NRG1: variants seen among roughly 807,000 people sequenced by gnomAD.
NRG1 encodes the protein pro-neuregulin-1, membrane-bound isoform.
Under a neutral mutation model 63.8 loss-of-function variants are expected in NRG1, and 18 were observed. The ratio of observed to expected loss-of-function variants is 0.28; its 90% CI spans 0.19 to 0.42. The LOEUF is 0.42. Ranked by LOEUF, NRG1 falls within the 10% of genes least tolerant of loss-of-function variation. The pLI, the probability that NRG1 is intolerant of heterozygous loss-of-function variation, is 1.00. For synonymous variants in NRG1, 302 were observed against 301.3 expected (o/e 1.00, Z -0.02); for missense variants, 762 against 814.7 (o/e 0.94, Z 0.79).
intron 1 of NRG1, among the ~76,000 whole-genome samples, chr8:31,804,419 T>C (rs184449103): frequency 6.6e-6 from 1 of 152,286 alleles, no homozygotes; most frequent in East Asian, 1.9e-4. Context: ...ATAGGCATTT[T>C]TTCTGTCCAT....
intron 1 of NRG1, among the ~76,000 whole-genome samples, chr8:32,161,801 G>T (rs762051193): frequency 6.6e-6 from 1 of 152,142 alleles, no homozygotes; most frequent in East Asian, 1.9e-4. Flanking sequence ...TCAAGGTCAC[G>T]CTGACGTTGT....
At chr8:31,671,188 T>G (rs973527116) in intron 1 of NRG1, among the ~76,000 whole-genome samples, 1 of 152,112 alleles carries the variant, frequency 6.6e-6, no homozygotes. Flanking sequence ...AAAACATAAC[T>G]TGAGTTTTGA....
chr8:32,386,621 T>C (rs535151382), intron 1 of NRG1, among the ~76,000 whole-genome samples: 1 of 152,218 alleles, frequency 6.6e-6, no homozygotes, highest in Non-Finnish European at 1.5e-5. Flanking sequence ...TAGTTTACAT[T>C]CTAAGGCCTA....
chr8:31,854,170 T>C (rs1213947341), intron 1 of NRG1, among the ~76,000 whole-genome samples: 2 of 152,014 alleles, frequency 1.3e-5, no homozygotes, highest in East Asian at 3.9e-4. Context: ...TTGATTGGAA[T>C]AGTTTCAGAA....
intron 1 of NRG1, among the ~76,000 whole-genome samples, chr8:31,916,119 A>G (rs1272167191): frequency 6.6e-6 from 1 of 152,168 alleles, no homozygotes; most frequent in East Asian, 1.9e-4. Flanking sequence ...GATAGATTAT[A>G]CTAGAACAGT....
At chr8:32,362,804 A>C (rs1325859456) in intron 1 of NRG1, among the ~76,000 whole-genome samples, 1 of 152,208 alleles carries the variant, frequency 6.6e-6, no homozygotes, top group Non-Finnish European at 1.5e-5. Flanking sequence ...CTAATGAAAA[A>C]TCAGAAAAGA....
intron 1 of NRG1, among the ~76,000 whole-genome samples, chr8:32,571,803 A>C (rs944361428): frequency 3.9e-5 from 6 of 152,208 alleles, no homozygotes; most frequent in African/African-American, 1.4e-4. Flanking sequence ...AAGTTACTCA[A>C]AAGGAATAGG....
intron 1 of NRG1, among the ~76,000 whole-genome samples, chr8:32,383,987 C>A (rs1015241276): frequency 2.6e-4 from 39 of 152,252 alleles, no homozygotes; most frequent in African/African-American, 8.9e-4. Context: ...GTAATCCCAG[C>A]ATTTTGGGAG....
chr8:32,586,586 G>T (rs1841658019), intron 1 of NRG1, among the ~76,000 whole-genome samples: 1 of 152,072 alleles, frequency 6.6e-6, no homozygotes, highest in African/African-American at 2.4e-5. Context: ...TTAATCTACT[G>T]TCCTTCTCTC....
At chr8:32,057,943 G>A (rs1219576164) in intron 1 of NRG1, among the ~76,000 whole-genome samples, 1 of 152,046 alleles carries the variant, frequency 6.6e-6, no homozygotes, top group Admixed American at 6.6e-5. Flanking sequence ...TAGGGTGACT[G>A]TCGTTTACAA....
At chr8:31,711,437 C>T (rs1156275771) in intron 1 of NRG1, among the ~76,000 whole-genome samples, 1 of 152,140 alleles carries the variant, frequency 6.6e-6, no homozygotes, top group East Asian at 1.9e-4. Context: ...ATCTGATTTT[C>T]ATGCTTATAA....
chr8:32,761,779 G>T (rs113076464), intron 11 of NRG1, among the ~76,000 whole-genome samples: 3 of 151,702 alleles, frequency 2.0e-5, no homozygotes, highest in African/African-American at 4.9e-5. Context: ...GGTGGCTCAC[G>T]CCTCTAATCC....
intron 1 of NRG1, among the ~76,000 whole-genome samples, chr8:32,363,658 CT>C (rs1329871279): frequency 6.6e-6 from 1 of 152,226 alleles, no homozygotes; most frequent in African/African-American, 2.4e-5. Flanking sequence ...CTCTTTATCT[CT>C]CTTGGTACCT....
chr8:32,707,673 C>T (rs1381107508), intron 5 of NRG1, among the ~76,000 whole-genome samples: 3 of 151,866 alleles, frequency 2.0e-5, no homozygotes, highest in Non-Finnish European at 4.4e-5. Context: ...TGAAGCTGTG[C>T]ACTCTGCAAA....
chr8:32,454,868 T>C (rs1309314636), intron 1 of NRG1, among the ~76,000 whole-genome samples: 1 of 152,186 alleles, frequency 6.6e-6, no homozygotes, highest in African/African-American at 2.4e-5. Context: ...GCTCCATTCA[T>C]GGGAAAGGCC....
chr8:32,273,305 C>T (rs1181467246), intron 1 of NRG1, among the ~76,000 whole-genome samples: 1 of 152,050 alleles, frequency 6.6e-6, no homozygotes, highest in African/African-American at 2.4e-5. Flanking sequence ...ATTCCCAACC[C>T]CCTCCCGACT....
intron 1 of NRG1, among the ~76,000 whole-genome samples, chr8:32,114,015 G>T (rs189065035): frequency 9.2e-5 from 14 of 152,286 alleles, no homozygotes; most frequent in Admixed American, 6.5e-4. Context: ...ACAAAAGGCA[G>T]TCAGACAGCC....
intron 1 of NRG1, among the ~76,000 whole-genome samples, chr8:32,523,319 A>T (rs10088648): frequency 0.56 from 85,382 of 151,990 alleles, 24,397 homozygotes; most frequent in East Asian, 0.78. Flanking sequence ...ATGAAGCAAG[A>T]CATTAAAGAG....
At chr8:32,522,738 T>C (rs1028947963) in intron 1 of NRG1, among the ~76,000 whole-genome samples, 1 of 152,192 alleles carries the variant, frequency 6.6e-6, no homozygotes, top group Non-Finnish European at 1.5e-5. Flanking sequence ...TCTTTCCTAT[T>C]GTTAAAAACA....
Sources: gnomAD v4.1 joint callset for allele counts (sites outside exome capture counted in the v4.1 genomes callset) on GRCh38, gnomAD v4.1.1 for gene constraint, MANE v1.5 for transcripts, NCBI Gene and HGNC (gene_info 2026-07-23, HGNC 2026-07-21) for gene names.